The following CNKSR2 variants were observed in gnomAD, a reference collection of about 807,000 sequenced individuals.
The protein encoded by CNKSR2 is CNK homolog protein 2.
CNKSR2 carries 14 observed loss-of-function variants against 84.4 expected under a neutral mutation model. That is an observed-to-expected ratio of 0.17 (90% confidence interval 0.11 to 0.26). The LOEUF is 0.26. CNKSR2 is among the 10% of genes least tolerant of loss of function. The probability of loss-of-function intolerance (pLI) is 1.00; values close to 1 mark genes in which losing one functional copy is unlikely to be tolerated. For missense variants in CNKSR2, 485 were observed against 771.2 expected, an observed-to-expected ratio of 0.63 and a Z score of 4.40; for synonymous variants, 275 against 277.9, an observed-to-expected ratio of 0.99 and a Z score of 0.10.
chrX:21,482,071 G>C (rs1452878377), intron 5 of CNKSR2, among the ~76,000 whole-genome samples: 1 of 111,501 alleles, frequency 9.0e-6, no homozygotes, highest in Non-Finnish European at 1.9e-5. Context: ...GTAGTAATTT[G>C]TTACACAGCT....
At chrX:21,607,718 C>G (rs553651405) in intron 19 of CNKSR2, among the ~76,000 whole-genome samples, 1 of 110,742 alleles carries the variant, frequency 9.0e-6, no homozygotes, top group East Asian at 2.8e-4. Flanking sequence ...GCACAAGAAT[C>G]GCTTGAACTT....
intron 13 of CNKSR2, among the ~76,000 whole-genome samples, chrX:21,579,564 C>T: frequency 8.9e-6 from 1 of 112,035 alleles, no homozygotes; most frequent in Non-Finnish European, 1.9e-5. Context: ...AAAATAATGT[C>T]CTCAATTTTT....
chrX:21,465,697 C>T (rs1186227530), intron 4 of CNKSR2, among the ~76,000 whole-genome samples: 2 of 111,195 alleles, frequency 1.8e-5, no homozygotes, highest in Non-Finnish European at 3.8e-5. Context: ...TATTTCCCTT[C>T]ACTATCTCTC....
intron 18 of CNKSR2, among the ~76,000 whole-genome samples, chrX:21,604,626 G>T (rs1467061841): frequency 9.0e-6 from 1 of 111,169 alleles, no homozygotes; most frequent in Non-Finnish European, 1.9e-5. Flanking sequence ...TCTCCTTAGT[G>T]TGCTAATAAG....
At chrX:21,384,949 T>G (rs2089947700) in intron 1 of CNKSR2, among the ~76,000 whole-genome samples, 1 of 111,725 alleles carries the variant, frequency 9.0e-6, no homozygotes, top group African/African-American at 3.3e-5. Context: ...TACAGAGAAG[T>G]TAAGCAGCTC....
chrX:21,570,271 C>G (rs769672190), intron 13 of CNKSR2, among the ~76,000 whole-genome samples: 1 of 112,926 alleles, frequency 8.9e-6, no homozygotes, highest in Admixed American at 9.3e-5. Flanking sequence ...TTCCGGATAA[C>G]TTGCTGCAGC....
chrX:21,479,118 A>G (rs2091289326), intron 5 of CNKSR2, among the ~76,000 whole-genome samples: 2 of 111,475 alleles, frequency 1.8e-5, no homozygotes, highest in East Asian at 2.8e-4. Flanking sequence ...GTCCACATGT[A>G]TACACTTTTT....
chrX:21,433,077 G>A (rs150232820), intron 3 of CNKSR2, among the ~76,000 whole-genome samples: 252 of 111,497 alleles, frequency 2.3e-3, no homozygotes, highest in African/African-American at 7.4e-3. Context: ...TCATTATTTG[G>A]CTGTCATAAT....
intron 11 of CNKSR2, among the ~76,000 whole-genome samples, chrX:21,560,071 A>G (rs953714856): frequency 1.8e-5 from 2 of 111,708 alleles, no homozygotes; most frequent in Non-Finnish European, 3.8e-5. Flanking sequence ...CTGCAGGGAC[A>G]GAAGGTGACT....
At chrX:21,543,732 A>G (rs766310469) in intron 11 of CNKSR2, among the ~76,000 whole-genome samples, 2 of 112,640 alleles carry the variant, frequency 1.8e-5, no homozygotes, top group Non-Finnish European at 3.8e-5. Context: ...GTAAAATGGA[A>G]TAGTAATATT....
chrX:21,599,339 GGTGTGTGTGTGTGTGTGTGT>G (rs34829122), intron 17 of CNKSR2, among the ~76,000 whole-genome samples: 3 of 82,686 alleles, frequency 3.6e-5, no homozygotes, highest in East Asian at 3.9e-4. Context: ...TTTTTGTTTT[GGTGTGTGTGTGTGTGTGTGT>G]GTGTGTGTGT....
In CNKSR2 at chrX:21,473,745, G is replaced by GTTTTTTTTTTTTT. The variant is rs768497403; in HGVS notation, c.561+2945_561+2957dup. On this transcript the variant is annotated intron_variant, in intron 5 of 21. Coordinates refer to ENST00000379510, the MANE Select transcript of CNKSR2 (RefSeq NM_014927.5). ...TAGGTTTTTTGTTGTTGTTGGTTTG[G>GTTTTTTTTTTTTT]TTTTTTTTTTTTTTTTTTTGAGACA... Among the ~76,000 whole-genome samples, 4 of 67,231 alleles carry GTTTTTTTTTTTTT rather than the reference G, an allele frequency of 5.9e-5. 1 individual carries two copies. Among genetic ancestry groups the GTTTTTTTTTTTTT allele is most frequent in the African/African-American group, 4.1e-4 (4 of 9,697 alleles). 58.4% of individuals were successfully genotyped at this position (67,231 alleles called of 115,157 possible).
At chrX:21,589,896 G>T (rs1002863699) in intron 13 of CNKSR2, among the ~76,000 whole-genome samples, 2 of 111,069 alleles carry the variant, frequency 1.8e-5, no homozygotes, top group African/African-American at 6.6e-5. Context: ...TGACATGAAG[G>T]TATTAGAGAC....
At chrX:21,651,934 A>G (rs1414379026) in intron 21 of CNKSR2, among the ~76,000 whole-genome samples, 1 of 112,442 alleles carries the variant, frequency 8.9e-6, no homozygotes, top group Non-Finnish European at 1.9e-5. Context: ...GAATATGACA[A>G]ATGTACTCAG....
Position 21,601,322 on chromosome X carries a change from GA to G in CNKSR2, c.2020del (p.Arg674GlufsTer43). 1 of 1,166,204 alleles carries G rather than the reference GA, an allele frequency of 8.6e-7. No individual in the cohort carries two copies. Among genetic ancestry groups the G allele is most frequent in the Non-Finnish European group, 1.2e-6 (1 of 860,341 alleles). On this transcript the variant is annotated frameshift_variant, in exon 18 of 22. Coordinates refer to ENST00000379510, the MANE Select transcript of CNKSR2 (RefSeq NM_014927.5). LOFTEE classifies it high-confidence loss of function. ...TAATATGCTGACTGCAGGATATGCA[GA>G]AAGAGAGAGGATTAAGCAGGAACAA... ...RINMLTAGYA[E>X]RERIKQEQDY...
intron 5 of CNKSR2, among the ~76,000 whole-genome samples, chrX:21,486,293 T>TA (rs1360941809): frequency 8.9e-6 from 1 of 111,936 alleles, no homozygotes; most frequent in Non-Finnish European, 1.9e-5. Flanking sequence ...TCAGTTCTAA[T>TA]ATTCCTTATC....
chrX:21,604,397 A>T (rs775683720), intron 18 of CNKSR2, among the ~76,000 whole-genome samples: 2 of 111,281 alleles, frequency 1.8e-5, no homozygotes, highest in South Asian at 7.7e-4. Context: ...GCACACCAAC[A>T]TGGCACATGT....
chrX:21,395,426 T>C (rs1320918074), intron 1 of CNKSR2, among the ~76,000 whole-genome samples: 2 of 111,931 alleles, frequency 1.8e-5, no homozygotes, highest in African/African-American at 6.5e-5. Context: ...GATAGTAAGA[T>C]GTCAGATTTT....
intron 4 of CNKSR2, among the ~76,000 whole-genome samples, chrX:21,452,930 A>G (rs569648950): frequency 9.1e-6 from 1 of 109,353 alleles, no homozygotes; most frequent in South Asian, 3.9e-4. Context: ...TCAGCAGGAG[A>G]CAACCAGTGT....
Sources: allele counts gnomAD v4.1 joint callset (sites outside exome capture counted in the v4.1 genomes callset), GRCh38; gene constraint gnomAD v4.1.1; transcripts MANE v1.5; gene names NCBI Gene and HGNC (gene_info 2026-07-23, HGNC 2026-07-21).